CCDC93: variants seen among roughly 807,000 people sequenced by gnomAD.
The protein encoded by CCDC93 is coiled-coil domain-containing protein 93.
In CCDC93, 61 loss-of-function variants were observed where a neutral mutation model predicts 108.2. The observed-to-expected ratio is 0.56, with a 90% CI of 0.46 to 0.70. The LOEUF (loss-of-function observed/expected upper bound fraction) is 0.70, where lower values mean the gene tolerates loss of function less well. CCDC93 is among the 30% of genes least tolerant of loss of function. CCDC93 has a pLI of 0.00. For synonymous variants in CCDC93, 276 were observed against 260.4 expected, an observed-to-expected ratio of 1.06 and a Z score of -0.58; for missense variants, 685 against 764.2, an observed-to-expected ratio of 0.90 and a Z score of 1.22.
rs1487907362 is a variant in CCDC93 at position 117,939,020 on chromosome 2, T to A, written c.1605+9A>T. The A allele has an allele frequency of 1.4e-6, 2 of 1,469,150 alleles. No homozygotes were observed. The highest frequency in any genetic ancestry group is 1.9e-6 in the Non-Finnish European group (2 of 1,051,078). The allele number at this position is 1,469,150 out of a possible 1,614,324, so 91.0% of individuals were successfully genotyped here. On this transcript the variant is annotated intron_variant, in intron 20 of 23. Coordinates refer to ENST00000376300, the MANE Select transcript of CCDC93 (RefSeq NM_019044.5). ...TGCTTAGCCATTTTCTTTTTATAAA[T>A]GTTCTTACCTCTTTTTCCAAATAAA...
At chr2:117,934,661 G>A (rs1336516628) in intron 22 of CCDC93, 1 of 152,478 alleles carries the variant, frequency 6.6e-6, no homozygotes, top group Non-Finnish European at 1.5e-5. Context: ...CTGTAACAGG[G>A]TTTTTTATGA....
intron 2 of CCDC93, among the ~76,000 whole-genome samples, chr2:118,007,909 G>C (rs4848482): frequency 0.97 from 147,677 of 152,320 alleles, 71,772 homozygotes; most frequent in Middle Eastern, 1. Flanking sequence ...CCTGCCCTGT[G>C]TGATTTGAAT....
At position 117,916,785 on chromosome 2, in the gene CCDC93, T is replaced by C. The variant is rs1185032257; in HGVS notation, c.*3558A>G. 1 of 152,340 alleles carries C rather than the reference T, an allele frequency of 6.6e-6. No homozygotes were observed. Among genetic ancestry groups the C allele is most frequent in the East Asian group, 1.9e-4 (1 of 5,180 alleles). 9.4% of individuals were successfully genotyped at this position (152,340 alleles called of 1,614,324 possible). A position where few individuals can be genotyped will look rare whatever the true frequency, so the allele number is the denominator to read the frequency against. On this transcript the variant is annotated 3_prime_UTR_variant, in exon 24 of 24. Coordinates refer to ENST00000376300, the MANE Select transcript of CCDC93 (RefSeq NM_019044.5). ...TTATTGAGAAGAGGGAATACTATTA[T>C]AGCATTACCTTTTACAATGCATCTT...
chr2:117,992,657 A>C (rs1680511057), intron 6 of CCDC93, among the ~76,000 whole-genome samples: 1 of 152,000 alleles, frequency 6.6e-6, no homozygotes, highest in Admixed American at 6.6e-5. Flanking sequence ...TACCATCACC[A>C]TTGTGACACT....
chr2:117,977,018 C>T (rs4849648), intron 8 of CCDC93, among the ~76,000 whole-genome samples: 79,208 of 145,832 alleles, frequency 0.54, 21,646 homozygotes, highest in East Asian at 0.85. Flanking sequence ...TCACTGCAAG[C>T]TCCGCCTCCC....
intron 11 of CCDC93, among the ~76,000 whole-genome samples, chr2:117,971,386 TACACACAA>T (rs1201727860): frequency 6.0e-5 from 9 of 150,578 alleles, no homozygotes; most frequent in Admixed American, 6.0e-4. Context: ...CAGCCACCCA[TACACACAA>T]ACACACACTT....
intron 18 of CCDC93, among the ~76,000 whole-genome samples, chr2:117,942,960 T>C (rs1280941655): frequency 6.6e-6 from 1 of 152,228 alleles, no homozygotes; most frequent in Non-Finnish European, 1.5e-5. Context: ...AACACAAATA[T>C]TATTCACCCT....
intron 23 of CCDC93, among the ~76,000 whole-genome samples, chr2:117,927,345 T>C (rs1201154745): frequency 6.6e-6 from 1 of 152,192 alleles, no homozygotes; most frequent in Non-Finnish European, 1.5e-5. Flanking sequence ...TGTTTGGAGA[T>C]GACATGATTG....
In CCDC93 at chr2:117,955,353, T is replaced by C. The variant is rs1185413761; in HGVS notation, c.1006-2918A>G. On this transcript the variant is annotated intron_variant, in intron 12 of 23. Coordinates refer to ENST00000376300, the MANE Select transcript of CCDC93 (RefSeq NM_019044.5). ...TCAGATGCCTTCTGCCTGTATGACCTTGTAAAAGAGGCTGTGGGATGTAAA... is the reference window on the plus strand; with the variant it reads ...TCAGATGCCTTCTGCCTGTATGACCCTGTAAAAGAGGCTGTGGGATGTAAA... 2.0e-5 allele frequency among the ~76,000 whole-genome samples: 3 copies of C among 152,228 alleles called. No individual in the cohort carries two copies. The East Asian group carries it at 5.8e-4, about 29-fold the overall frequency.
At chr2:117,970,458 A>G (rs894319743) in intron 11 of CCDC93, among the ~76,000 whole-genome samples, 1 of 132,816 alleles carries the variant, frequency 7.5e-6, no homozygotes. Flanking sequence ...AAACAAGAAT[A>G]AAAAAAAAAG....
At position 117,969,459 on chromosome 2, in the gene CCDC93, C is replaced by T. The variant is rs538295472; in HGVS notation, c.888+4449G>A. 1.3e-4 allele frequency among the ~76,000 whole-genome samples: 20 copies of T among 152,320 alleles called. No individual in the cohort carries two copies. In the East Asian group the frequency reaches 3.9e-3, roughly 29 times the overall value. ...CTGCTGCCCCACAGAAACAGTGAGACAATAAATGTGTGTTATTTTAAGTGA... is the reference window on the plus strand; with the variant it reads ...CTGCTGCCCCACAGAAACAGTGAGATAATAAATGTGTGTTATTTTAAGTGA... On this transcript the variant is annotated intron_variant, in intron 11 of 23. Transcript: ENST00000376300.
rs572512837 is a variant in CCDC93 at position 117,947,924 on chromosome 2, G to A, written c.1224+181C>T. 186 of 577,116 alleles carry A rather than the reference G, an allele frequency of 3.2e-4. No individual in the cohort carries two copies. The African/African-American group carries it at 3.3e-3, about 10-fold the overall frequency. The allele number at this position is 577,116 out of a possible 1,614,324, so 35.7% of individuals were successfully genotyped here. A position where few individuals can be genotyped will look rare whatever the true frequency, so the allele number is the denominator to read the frequency against. Reference sequence around the variant, plus strand: ...TTAGCCAGGATGGTCTCGATCTCCTGACCTCGTGATCCGCCTGCCTTGGCT... The same window carrying A: ...TTAGCCAGGATGGTCTCGATCTCCTAACCTCGTGATCCGCCTGCCTTGGCT... On this transcript the variant is annotated intron_variant, in intron 15 of 23. Transcript: ENST00000376300.
intron 23 of CCDC93, among the ~76,000 whole-genome samples, chr2:117,927,439 T>C (rs1678157089): frequency 6.6e-6 from 1 of 152,154 alleles, no homozygotes; most frequent in Non-Finnish European, 1.5e-5. Flanking sequence ...AAAATCAGTG[T>C]GCAAAAATCA....
chr2:118,011,066 C>T (rs1164923135), intron 1 of CCDC93, among the ~76,000 whole-genome samples: 1 of 152,178 alleles, frequency 6.6e-6, no homozygotes, highest in Non-Finnish European at 1.5e-5. Flanking sequence ...CTTGGGTTTA[C>T]TCCTCTGAAT....
At position 118,009,650 on chromosome 2, in the gene CCDC93, T is replaced by A. The variant is rs1029850055; in HGVS notation, c.43-992A>T. Among the ~76,000 whole-genome samples, 6 of 152,096 alleles carry A rather than the reference T, an allele frequency of 3.9e-5. No homozygotes were observed. The East Asian group carries it at 1.2e-3, about 29-fold the overall frequency. On this transcript the variant is annotated intron_variant, in intron 1 of 23. Transcript: ENST00000376300. ...CTGTGCCATTGCACTCCAGCCTTGGTAACAGAGCAAGACTCTATCTCTAAA... is the reference window on the plus strand; with the variant it reads ...CTGTGCCATTGCACTCCAGCCTTGGAAACAGAGCAAGACTCTATCTCTAAA...
intron 23 of CCDC93, among the ~76,000 whole-genome samples, chr2:117,929,195 G>A (rs192435620): frequency 6.6e-6 from 1 of 152,154 alleles, no homozygotes; most frequent in Admixed American, 6.5e-5. Flanking sequence ...CACCAACATG[G>A]CACATGTACA....
Position 118,008,706 on chromosome 2 carries a change from A to C in CCDC93, c.43-48T>G, listed in dbSNP as rs774103760. The C allele has an allele frequency of 2.5e-6, 3 of 1,194,106 alleles. No homozygotes were observed. The Admixed American group carries it at 5.3e-5, about 21-fold the overall frequency. 74.0% of individuals were successfully genotyped at this position (1,194,106 alleles called of 1,614,324 possible). On this transcript the variant is annotated intron_variant, in intron 1 of 23. Coordinates refer to ENST00000376300, the MANE Select transcript of CCDC93 (RefSeq NM_019044.5). Reference sequence around the variant, plus strand: ...GGCTGGTAAAAGATATGCTGAATAAAGGAACACCAGGTATATCCCCTGATG... The same window carrying C: ...GGCTGGTAAAAGATATGCTGAATAACGGAACACCAGGTATATCCCCTGATG...
At chr2:118,013,306 G>C (rs925314563) in intron 1 of CCDC93, among the ~76,000 whole-genome samples, 2 of 152,334 alleles carry the variant, frequency 1.3e-5, no homozygotes. Context: ...GCCCAGAGCC[G>C]GGTCCCCCGC....
chr2:118,005,058 T>C (rs546918621), intron 3 of CCDC93, among the ~76,000 whole-genome samples: 2 of 152,354 alleles, frequency 1.3e-5, no homozygotes, highest in African/African-American at 4.8e-5. Context: ...GGTTATGTTT[T>C]GCTCCCAAAT....
Sources: gnomAD v4.1 joint callset for allele counts (sites outside exome capture counted in the v4.1 genomes callset) on GRCh38, gnomAD v4.1.1 for gene constraint, MANE v1.5 for transcripts, NCBI Gene and HGNC (gene_info 2026-07-23, HGNC 2026-07-21) for gene names.